IL18: variants seen among roughly 807,000 people sequenced by gnomAD.
IL18 encodes the protein interleukin 18.
In IL18, 8 loss-of-function variants were observed where a neutral mutation model predicts 14.2. The observed-to-expected ratio is 0.56, with a 90% CI of 0.33 to 1.01. IL18 has a LOEUF of 1.01. IL18 is among the 50% of genes least tolerant of loss of function. The pLI is 0.03. For synonymous variants in IL18, 67 were observed against 71.0 expected, an observed-to-expected ratio of 0.94 and a Z score of 0.28; for missense variants, 166 against 231.1, an observed-to-expected ratio of 0.72 and a Z score of 1.83.
rs1325722097 is a variant in IL18, at chr11:112,152,401, T to A, written c.91+1191A>T. ...TCTTGTAATAACTAAAATAATAGCC[T>A]CTCAACCCTTAATTTTGTCCTCCTC... On this transcript the variant is annotated intron_variant, in intron 3 of 5. Coordinates refer to ENST00000280357, the MANE Select transcript of IL18 (RefSeq NM_001562.4). 6.0e-4 allele frequency among the ~76,000 whole-genome samples: 92 copies of A among 152,296 alleles called. 3 individuals carry two copies. Among genetic ancestry groups the A allele is most frequent in the Admixed American group, 6.0e-3 (91 of 15,294 alleles).
chr11:112,155,569 A>G (rs1866518213), intron 1 of IL18, among the ~76,000 whole-genome samples: 1 of 152,176 alleles, frequency 6.6e-6, no homozygotes, highest in East Asian at 1.9e-4. Context: ...GGGTGGGAGA[A>G]GGCTGAAGGG....
chr11:112,152,278 A>T (rs1359942705), intron 3 of IL18, among the ~76,000 whole-genome samples: 25 of 152,060 alleles, frequency 1.6e-4, no homozygotes, highest in Non-Finnish European at 1.5e-5. Flanking sequence ...TCCAACCCTA[A>T]ATCATGTCCT....
At chr11:112,144,917 G>A (rs1866309259) in intron 5 of IL18, among the ~76,000 whole-genome samples, 1 of 152,240 alleles carries the variant, frequency 6.6e-6, no homozygotes, top group Non-Finnish European at 1.5e-5. Context: ...CCAACTGGTA[G>A]TGCTGCCTGC....
At chr11:112,162,829 T>G (rs1866656647) in intron 1 of IL18, among the ~76,000 whole-genome samples, 1 of 152,204 alleles carries the variant, frequency 6.6e-6, no homozygotes, top group Non-Finnish European at 1.5e-5. Flanking sequence ...TTGTTTGTTT[T>G]TTTGAGAAAG....
In IL18 at chr11:112,143,798, T is replaced by C. The variant is rs141853304; in HGVS notation, c.380A>G (p.Asn127Ser). 6.3e-7 allele frequency: 1 copy of C among 1,596,792 alleles called. No homozygotes were observed. Among genetic ancestry groups the C allele is most frequent in the Non-Finnish European group, 8.6e-7 (1 of 1,166,646 alleles). ...GATGTCACTTTTTGTATCCTTGATGTTATCAGGAGGATTCATTTCCTATAG... is the reference window on the plus strand; with the variant it reads ...GATGTCACTTTTTGTATCCTTGATGCTATCAGGAGGATTCATTTCCTATAG... Reference protein sequence around the residue: ...ISFKEMNPPDNIKDTKSDIIF... With the variant: ...ISFKEMNPPDSIKDTKSDIIF... The change falls in exon 6 of 6, where the codon AAC becomes AGC. Residue 127 changes from asparagine (N) to serine (S), a missense_variant. Physicochemically the swap from Asn to Ser is conservative, Grantham distance 46. Transcript: ENST00000280357.
chr11:112,145,610 G>C (rs978451914), intron 5 of IL18, among the ~76,000 whole-genome samples: 1 of 152,132 alleles, frequency 6.6e-6, no homozygotes, highest in African/African-American at 2.4e-5. Flanking sequence ...ATGGTGGCAG[G>C]CGCCTGTAGT....
At chr11:112,150,438 T>C in intron 3 of IL18, 1 of 396,822 alleles carries the variant, frequency 2.5e-6, no homozygotes, top group Non-Finnish European at 4.6e-6. Flanking sequence ...ATAGCCTACT[T>C]TCTGACCGGT....
chr11:112,153,929 C>T (rs1355633524), intron 2 of IL18, among the ~76,000 whole-genome samples: 4 of 151,888 alleles, frequency 2.6e-5, no homozygotes, highest in Non-Finnish European at 5.9e-5. Context: ...CGGAAAGTCA[C>T]CTAAGAAAAG....
At chr11:112,153,255 C>T in intron 3 of IL18, 1 of 209,504 alleles carries the variant, frequency 4.8e-6, no homozygotes. Context: ...AATTCTAATG[C>T]TTCAATCCCT....
At chr11:112,150,407 C>A in intron 3 of IL18, 2 of 473,510 alleles carry the variant, frequency 4.2e-6, no homozygotes, top group Non-Finnish European at 7.6e-6. Context: ...AACTACTCTG[C>A]CTCTGAAGTG....
chr11:112,148,728 G>T lies in IL18; in HGVS notation c.235C>A (p.Pro79Thr). ...ATACTTATAATAAATATGGTCCGGG[G>T]TGCATTATCTGAAATAAATATAATA... ...MTDSDCRDNA[P>T]RTIFIISMYK... Residue 79 changes from proline to threonine, a missense_variant, in exon 5 of 6, where the codon CCC becomes ACC. Coordinates refer to ENST00000280357, the MANE Select transcript of IL18 (RefSeq NM_001562.4). The T allele has an allele frequency of 6.9e-7, 1 of 1,444,902 alleles. No individual in the cohort carries two copies. The highest frequency in any genetic ancestry group is 9.2e-7 in the Non-Finnish European group (1 of 1,087,692). 89.5% of individuals were successfully genotyped at this position (1,444,902 alleles called of 1,614,324 possible).
intron 1 of IL18, among the ~76,000 whole-genome samples, chr11:112,158,897 G>A (rs1397209816): frequency 6.6e-6 from 1 of 152,106 alleles, no homozygotes; most frequent in Non-Finnish European, 1.5e-5. Flanking sequence ...AGTATACTTT[G>A]ATGAAAGCTT....
intron 1 of IL18, 75 bp from the exon 2 acceptor site, chr11:112,155,136 T>C: frequency 1.2e-6 from 1 of 830,850 alleles, no homozygotes; most frequent in Non-Finnish European, 2.0e-6. Context: ...TACCTTCAAG[T>C]TCAGTGGTCA....
intron 3 of IL18, among the ~76,000 whole-genome samples, chr11:112,152,459 A>G (rs1187274448): frequency 6.6e-6 from 1 of 152,240 alleles, no homozygotes; most frequent in Non-Finnish European, 1.5e-5. Context: ...TACCAAAGCC[A>G]GAATGATATT....
rs2098018468 is a variant in IL18, at chr11:112,163,925, G to T, written c.-28C>A. 6.6e-6 allele frequency: 1 copy of T among 152,374 alleles called. No individual in the cohort carries two copies. Among genetic ancestry groups the T allele is most frequent in the African/African-American group, 2.4e-5 (1 of 41,462 alleles). 9.4% of individuals were successfully genotyped at this position (152,374 alleles called of 1,614,324 possible). ...TCTTACCTGCGACAAATAGTTTGTT[G>T]CGAGAGGAAGCGATCTGGAAGGTCT... On this transcript the variant is annotated 5_prime_UTR_variant, in exon 1 of 6. Transcript: ENST00000280357.
intron 5 of IL18, among the ~76,000 whole-genome samples, chr11:112,144,929 C>A (rs917835219): frequency 6.6e-6 from 1 of 152,216 alleles, no homozygotes; most frequent in African/African-American, 2.4e-5. Flanking sequence ...GCTGCCTGCA[C>A]TTTTCCTGTT....
intron 1 of IL18, among the ~76,000 whole-genome samples, chr11:112,158,088 C>G (rs1163568444): frequency 6.6e-6 from 1 of 152,178 alleles, no homozygotes; most frequent in Admixed American, 6.5e-5. Context: ...CTCAGGTGAT[C>G]TTCCTGCTTC....
intron 4 of IL18, among the ~76,000 whole-genome samples, chr11:112,149,835 T>C (rs1866408118): frequency 6.6e-6 from 1 of 152,038 alleles, no homozygotes; most frequent in Non-Finnish European, 1.5e-5. Flanking sequence ...AATAAAGGGA[T>C]TGGTGATTCA....
chr11:112,156,584 C>T (rs1294544141), intron 1 of IL18, among the ~76,000 whole-genome samples: 1 of 151,988 alleles, frequency 6.6e-6, no homozygotes, highest in Non-Finnish European at 1.5e-5. Flanking sequence ...TCTGGGACCA[C>T]AGATGCGTGC....
Sources: allele counts gnomAD v4.1 joint callset (sites outside exome capture counted in the v4.1 genomes callset), GRCh38; gene constraint gnomAD v4.1.1; transcripts MANE v1.5; gene names NCBI Gene and HGNC (gene_info 2026-07-23, HGNC 2026-07-21).